PDLIM2: variants seen among roughly 807,000 people sequenced by gnomAD.
PDLIM2 encodes PDZ and LIM domain 2.
In PDLIM2, 51 loss-of-function variants were observed where a neutral mutation model predicts 54.1. The observed-to-expected ratio is 0.94, with a 90% CI of 0.75 to 1.19. The LOEUF (loss-of-function observed/expected upper bound fraction) is 1.19, where lower values mean the gene tolerates loss of function less well. Among genes scored for constraint, PDLIM2 ranks in the 50% most tolerant of loss-of-function variants. The pLI is 0.00. For synonymous variants in PDLIM2, 398 were observed against 385.6 expected, an observed-to-expected ratio of 1.03 and a Z score of -0.38; for missense variants, 912 against 874.0, an observed-to-expected ratio of 1.04 and a Z score of -0.55.
At chr8:22,583,862 A>T (rs945029974) in intron 3 of PDLIM2, among the ~76,000 whole-genome samples, 7 of 96,476 alleles carry the variant, frequency 7.3e-5, no homozygotes, top group Admixed American at 2.0e-4. Context: ...TAGAAAAAAA[A>T]AAAAAAAAAA....
intron 3 of PDLIM2, among the ~76,000 whole-genome samples, chr8:22,581,883 G>A (rs904438744): frequency 6.6e-6 from 1 of 152,252 alleles, no homozygotes; most frequent in Non-Finnish European, 1.5e-5. Context: ...AACCTTCTGG[G>A]AAAGGTATGC....
chr8:22,579,427 C>A lies in PDLIM2; in HGVS notation c.648C>A (p.Cys216Ter). The change falls in exon 1 of 10, where the codon TGC (cysteine) becomes TGA (stop). Residue 216 changes from cysteine (C) to a stop codon, truncating the protein, a stop_gained. Coordinates refer to ENST00000308354, the Ensembl canonical transcript of PDLIM2. LOFTEE classifies it high-confidence loss of function. ...AGCCCCCAGCCCGCAGGGTACTTTG[C>A]CCTCGGAGCGAAGGAGGCTCCAGAA... The A allele has an allele frequency of 1.3e-6, 2 of 1,515,688 alleles. No homozygotes were observed. The highest frequency in any genetic ancestry group is 2.4e-5 in the South Asian group (2 of 82,312). The allele number at this position is 1,515,688 out of a possible 1,614,324, so 93.9% of individuals were successfully genotyped here. A position where few individuals can be genotyped will look rare whatever the true frequency, so the allele number is the denominator to read the frequency against.
chr8:22,593,172 CTTAT>C (rs1800600689), intron 9 of PDLIM2: 1 of 152,626 alleles, frequency 6.6e-6, no homozygotes, highest in Non-Finnish European at 1.5e-5. Context: ...GCCTGGCTGA[CTTAT>C]TTATTTTTAT....
chr8:22,580,130 G>A, intron 1 of PDLIM2: 1 of 237,704 alleles, frequency 4.2e-6, no homozygotes, highest in South Asian at 4.8e-5. Flanking sequence ...CCTGCTTCCT[G>A]AGCCCTGCTC....
downstream of PDLIM2, chr8:22,594,634 C>A (rs779403687): frequency 6.2e-7 from 1 of 1,613,364 alleles, no homozygotes; most frequent in Non-Finnish European, 8.5e-7. Flanking sequence ...GGAGACCCAT[C>A]CAGCCAAGCT....
downstream of PDLIM2, chr8:22,594,501 A>T (rs763786094): frequency 3.2e-5 from 52 of 1,613,606 alleles, no homozygotes; most frequent in Admixed American, 3.2e-4. Flanking sequence ...TCATTCCTTA[A>T]CCTTTTTGTA....
chr8:22,591,542 T>C lies in PDLIM2; in HGVS notation c.1514-9T>C. 1 of 1,612,696 alleles carries C rather than the reference T, an allele frequency of 6.2e-7. No homozygotes were observed. The highest frequency in any genetic ancestry group is 8.5e-7 in the Non-Finnish European group (1 of 1,179,166). On this transcript the variant is annotated splice_polypyrimidine_tract_variant and intron_variant, in intron 8 of 9. Transcript: ENST00000308354. Reference sequence around the variant, plus strand: ...GCTCTCACCACATGTCTGTCTGCCCTGCCCCCAGGTGGCACGCCAGCCTTC... The same window carrying C: ...GCTCTCACCACATGTCTGTCTGCCCCGCCCCCAGGTGGCACGCCAGCCTTC...
intron 6 of PDLIM2, 197 bp from the exon 6 acceptor site, chr8:22,589,101 G>A: frequency 2.0e-6 from 1 of 501,524 alleles, no homozygotes; most frequent in Non-Finnish European, 3.7e-6. Context: ...CCGAGGGAAG[G>A]GGCAGGGGGC....
At chr8:22,591,713 TG>T in intron 9 of PDLIM2, 45 bp downstream of exon 8, 1 of 1,530,332 alleles carries the variant, frequency 6.5e-7, no homozygotes, top group Middle Eastern at 2.1e-4. Flanking sequence ...CACAGGGGAG[TG>T]GGGAGGGGGA....
At chr8:22,585,224 C>G in intron 5 of PDLIM2, 62 bp downstream of exon 4, 2 of 1,605,184 alleles carry the variant, frequency 1.2e-6, no homozygotes, top group Non-Finnish European at 1.7e-6. Context: ...GCTGGCTCCT[C>G]TGAGTCTCAG....
exon 10 of PDLIM2, chr8:22,593,761 C>A (rs147368012): frequency 6.2e-7 from 1 of 1,600,392 alleles, no homozygotes; most frequent in Admixed American, 1.7e-5. Context: ...CCAGGAGGGC[C>A]GGTACCGCCA....
chr8:22,584,725 G>T, intron 3 of PDLIM2, 96 bp from the exon 3 acceptor site: 1 of 1,150,278 alleles, frequency 8.7e-7, no homozygotes, highest in Non-Finnish European at 1.3e-6. Context: ...GCTTTTACTG[G>T]TGTTGAGAAC....
intron 3 of PDLIM2, 44 bp from the exon 3 acceptor site, chr8:22,584,777 G>A (rs749828148): frequency 3.8e-6 from 6 of 1,596,648 alleles, no homozygotes; most frequent in South Asian, 1.1e-5. Flanking sequence ...GGGTTGCAGG[G>A]TGCAGGGCCC....
chr8:22,585,394 C>T lies in PDLIM2; in HGVS notation c.1285C>T (p.Arg429Ter), dbSNP rs369238305. ...GTCCTACTCAGGCCGCCCTGGAAGCCGACAGGTGAGGCTCCCTGGGGGAGG... is the reference window on the plus strand; with the variant it reads ...GTCCTACTCAGGCCGCCCTGGAAGCTGACAGGTGAGGCTCCCTGGGGGAGG... The change falls in exon 6 of 10, where the codon CGA (arginine) becomes TGA (stop). Residue 429 changes from arginine (R) to a stop codon, truncating the protein, a stop_gained. Transcript: ENST00000308354. LOFTEE classifies it high-confidence loss of function. The T allele has an allele frequency of 4.4e-6, 7 of 1,608,878 alleles. No individual in the cohort carries two copies. The highest frequency in any genetic ancestry group is 2.2e-5 in the East Asian group (1 of 44,666).
intron 6 of PDLIM2, 30 bp from the exon 6 acceptor site, chr8:22,589,268 G>C (rs151080199): frequency 2.0e-6 from 3 of 1,533,192 alleles, no homozygotes; most frequent in Non-Finnish European, 1.7e-6. Flanking sequence ...CTCTGGCCCT[G>C]ACTCCTCCCC....
chr8:22,592,146 A>G (rs1433049972), intron 9 of PDLIM2: 2 of 133,296 alleles, frequency 1.5e-5, no homozygotes, highest in Non-Finnish European at 3.0e-5. Flanking sequence ...CAGTGGTGCA[A>G]TTTCAGCTCA....
Position 22,581,794 on chromosome 8 carries a change from C to T in PDLIM2, c.995+264C>T, listed in dbSNP as rs761196532. 6.4e-4 allele frequency among the ~76,000 whole-genome samples: 98 copies of T among 152,352 alleles called. 1 individual carries two copies. Among genetic ancestry groups the T allele is most frequent in the Admixed American group, 2.3e-3 (35 of 15,312 alleles). ...CTGGGCAGGGCGAGCTGGCACCAGC[C>T]ACCTTGAAGCCCGGGTTTGACTGGT... is the stretch of plus-strand genomic sequence containing the variant. On this transcript the variant is annotated intron_variant, in intron 3 of 9. Coordinates refer to ENST00000308354, the Ensembl canonical transcript of PDLIM2.
At chr8:22,589,923 G>GGGTCACCAGC in intron 8 of PDLIM2, 182 bp downstream of exon 7, 1 of 368,412 alleles carries the variant, frequency 2.7e-6, no homozygotes, top group Non-Finnish European at 4.5e-6. Context: ...CGGTCCGGGA[G>GGGTCACCAGC]GGTCCGGGAG....
intron 1 of PDLIM2, 159 bp from the exon 1 acceptor site, chr8:22,580,316 A>C: frequency 1.9e-6 from 1 of 522,084 alleles, no homozygotes; most frequent in Non-Finnish European, 3.2e-6. Context: ...TGCTCCAGCA[A>C]GCCCCCTGCC....
Sources: gnomAD v4.1 joint callset for allele counts (sites outside exome capture counted in the v4.1 genomes callset) on GRCh38, gnomAD v4.1.1 for gene constraint, MANE v1.5 for transcripts, NCBI Gene and HGNC (gene_info 2026-07-23, HGNC 2026-07-21) for gene names.